ZMYM4: variants seen among roughly 807,000 people sequenced by gnomAD.
ZMYM4 encodes zinc finger MYM-type containing 4.
Under a neutral mutation model 183.2 loss-of-function variants are expected in ZMYM4, and 31 were observed. The ratio of observed to expected loss-of-function variants is 0.17; its 90% CI spans 0.13 to 0.23. The LOEUF is 0.23. Ranked by LOEUF, ZMYM4 falls within the 10% of genes least tolerant of loss-of-function variation. ZMYM4 has a pLI of 1.00. For synonymous variants in ZMYM4, 592 were observed against 631.2 expected, an observed-to-expected ratio of 0.94 and a Z score of 0.93; for missense variants, 1,273 against 1,840.3, an observed-to-expected ratio of 0.69 and a Z score of 5.64.
chr1:35,307,935 T>G (rs1300992774), intron 1 of ZMYM4, among the ~76,000 whole-genome samples: 2 of 152,094 alleles, frequency 1.3e-5, no homozygotes, highest in African/African-American at 2.4e-5. Context: ...GTTCAAGTGA[T>G]TCACCTGCCT....
chr1:35,356,973 T>C (rs1362286014), intron 2 of ZMYM4, among the ~76,000 whole-genome samples: 1 of 152,140 alleles, frequency 6.6e-6, no homozygotes, highest in Admixed American at 6.5e-5. Context: ...AGCCTCAAAC[T>C]CTTGGGTTCA....
chr1:35,395,019 A>G (rs1198080581), intron 18 of ZMYM4, among the ~76,000 whole-genome samples: 1 of 152,190 alleles, frequency 6.6e-6, no homozygotes, highest in African/African-American at 2.4e-5. Context: ...CTGCAAGGCT[A>G]TCCTGTCAGC....
chr1:35,280,815 G>A (rs1640120470), intron 1 of ZMYM4, among the ~76,000 whole-genome samples: 2 of 152,098 alleles, frequency 1.3e-5, no homozygotes, highest in South Asian at 4.2e-4. Context: ...CTCTAATTCA[G>A]GATGATCTCA....
chr1:35,359,771 T>C (rs1643896484), intron 3 of ZMYM4, among the ~76,000 whole-genome samples: 1 of 152,138 alleles, frequency 6.6e-6, no homozygotes, highest in Non-Finnish European at 1.5e-5. Flanking sequence ...TTTAACTTCT[T>C]TGTGCTGTAA....
chr1:35,370,791 T>C, intron 7 of ZMYM4, 164 bp downstream of exon 7: 1 of 877,524 alleles, frequency 1.1e-6, no homozygotes, highest in East Asian at 3.2e-5. Context: ...CAGTTGTTGC[T>C]TTTCAGTCTT....
At chr1:35,375,304 T>C (rs1294242629) in intron 7 of ZMYM4, among the ~76,000 whole-genome samples, 1 of 152,212 alleles carries the variant, frequency 6.6e-6, no homozygotes, top group African/African-American at 2.4e-5. Flanking sequence ...TTATCCCCTC[T>C]TATTTACACG....
At chr1:35,295,362 A>G (rs938362083) in intron 1 of ZMYM4, among the ~76,000 whole-genome samples, 5 of 152,180 alleles carry the variant, frequency 3.3e-5, no homozygotes, top group Non-Finnish European at 7.3e-5. Context: ...AGTGTTGTAT[A>G]TGTTTTGTGA....
At chr1:35,372,634 TCTTAC>T (rs1056904013) in intron 7 of ZMYM4, among the ~76,000 whole-genome samples, 16 of 152,176 alleles carry the variant, frequency 1.1e-4, no homozygotes, top group African/African-American at 3.9e-4. Flanking sequence ...GTTGAGTGTC[TCTTAC>T]CTTCAATGCT....
chr1:35,398,071 G>A (rs1400366502), intron 20 of ZMYM4, among the ~76,000 whole-genome samples: 1 of 152,174 alleles, frequency 6.6e-6, no homozygotes, highest in African/African-American at 2.4e-5. Context: ...GCCTTATGGG[G>A]TGGGGAGGGG....
chr1:35,362,162 G>A (rs942556747), intron 5 of ZMYM4, among the ~76,000 whole-genome samples: 3 of 152,124 alleles, frequency 2.0e-5, no homozygotes, highest in Non-Finnish European at 4.4e-5. Context: ...ATGAAGTACA[G>A]GCTATATATG....
intron 26 of ZMYM4, 149 bp downstream of exon 26, chr1:35,408,308 C>G: frequency 1.1e-6 from 1 of 951,162 alleles, no homozygotes; most frequent in Non-Finnish European, 1.5e-6. Context: ...GGAAACCGCT[C>G]AAGTGTTAAT....
intron 1 of ZMYM4, among the ~76,000 whole-genome samples, chr1:35,321,404 C>T (rs1570347911): frequency 6.6e-6 from 1 of 152,198 alleles, no homozygotes; most frequent in Middle Eastern, 3.4e-3. Flanking sequence ...CTTGAAACTA[C>T]CTGAAAGGTT....
chr1:35,382,386 G>T (rs1644483498), intron 9 of ZMYM4, among the ~76,000 whole-genome samples: 1 of 151,368 alleles, frequency 6.6e-6, no homozygotes. Context: ...AGTTCTATAA[G>T]TAGCAGTTTT....
intron 13 of ZMYM4, among the ~76,000 whole-genome samples, chr1:35,388,703 T>C (rs1250734238): frequency 1.3e-5 from 2 of 151,876 alleles, no homozygotes; most frequent in African/African-American, 2.4e-5. Context: ...TTTTCTTTTT[T>C]TTGTTTTTGT....
intron 2 of ZMYM4, among the ~76,000 whole-genome samples, chr1:35,342,430 G>T (rs1643235552): frequency 6.6e-6 from 1 of 152,024 alleles, no homozygotes. Context: ...CAAAGTTCTG[G>T]GATTACACTG....
chr1:35,386,427 AAG>A (rs1644579292), intron 11 of ZMYM4, among the ~76,000 whole-genome samples: 1 of 152,084 alleles, frequency 6.6e-6, no homozygotes, highest in African/African-American at 2.4e-5. Flanking sequence ...GCTCAAGAGG[AAG>A]AGAGAGAAGC....
intron 2 of ZMYM4, among the ~76,000 whole-genome samples, chr1:35,350,563 A>G (rs2148883011): frequency 6.6e-6 from 1 of 152,096 alleles, no homozygotes; most frequent in African/African-American, 2.4e-5. Context: ...CTGGGATTAC[A>G]GGCGTGAGCC....
chr1:35,389,182 T>A lies in ZMYM4; in HGVS notation c.2436+100T>A. The A allele has an allele frequency of 2.5e-6, 3 of 1,212,962 alleles. No homozygotes were observed. Among genetic ancestry groups the A allele is most frequent in the Non-Finnish European group, 3.4e-6 (3 of 884,948 alleles). 75.1% of individuals were successfully genotyped at this position (1,212,962 alleles called of 1,614,324 possible). A position where few individuals can be genotyped will look rare whatever the true frequency, so the allele number is the denominator to read the frequency against. ...AAAGGACAATTTAATTATTTAAAAC[T>A]TTTAAGTATTAAATGTTTTATGCCT... On this transcript the variant is annotated intron_variant, in intron 14 of 29. Coordinates refer to ENST00000314607, the MANE Select transcript of ZMYM4 (RefSeq NM_005095.3). The surrounding 1 kb of genome is among the most constrained non-coding windows in gnomAD (Gnocchi z 4.0).
chr1:35,309,020 C>T, intron 1 of ZMYM4: 1 of 985,314 alleles, frequency 1.0e-6, no homozygotes, highest in Admixed American at 6.1e-5. Flanking sequence ...AAATGGAAGA[C>T]ATGTTAGAAT....
Sources: allele counts gnomAD v4.1 joint callset (sites outside exome capture counted in the v4.1 genomes callset), GRCh38; gene constraint gnomAD v4.1.1; non-coding constraint Gnocchi (gnomAD v3.1); transcripts MANE v1.5; gene names NCBI Gene and HGNC (gene_info 2026-07-23, HGNC 2026-07-21).